MICAL3: variants seen among roughly 807,000 people sequenced by gnomAD.
MICAL3 encodes microtubule associated monooxygenase, calponin and LIM domain containing 3, also known as [F-actin]-monooxygenase MICAL3.
A neutral mutation model predicts 207.4 loss-of-function variants in MICAL3; 62 were observed. The ratio of observed to expected loss-of-function variants is 0.30; its 90% CI spans 0.24 to 0.37. MICAL3 has a LOEUF of 0.37. Ranked by LOEUF, MICAL3 falls within the 10% of genes least tolerant of loss-of-function variation. The pLI is 1.00. For synonymous variants in MICAL3, 1,077 were observed against 1,069.3 expected (o/e 1.01, Z -0.14); for missense variants, 2,368 against 2,635.6 (o/e 0.90, Z 2.22).
intron 16 of MICAL3, chr22:17,876,919 TGGAGGTTAG>T (rs201210232): frequency 2.1e-4 from 3 of 14,288 alleles, no homozygotes; most frequent in East Asian, 1.7e-3. Flanking sequence ...AGGGAGGTTA[TGGAGGTTAG>T]GGAGGTTAGG....
intron 17 of MICAL3, among the ~76,000 whole-genome samples, chr22:17,867,627 C>G (rs1927285128): frequency 6.6e-6 from 1 of 152,234 alleles, no homozygotes; most frequent in South Asian, 2.1e-4. Context: ...CTCACTCCCT[C>G]CACCCCACCC....
intron 16 of MICAL3, among the ~76,000 whole-genome samples, chr22:17,880,978 G>T (rs114959680): frequency 2.0e-5 from 3 of 152,206 alleles, no homozygotes; most frequent in Admixed American, 2.0e-4. Context: ...TGGGACAGTC[G>T]TGTTTCCATG....
chr22:17,883,761 A>C (rs2146213447), intron 16 of MICAL3, among the ~76,000 whole-genome samples: 1 of 152,338 alleles, frequency 6.6e-6, no homozygotes, highest in Admixed American at 6.5e-5. Flanking sequence ...AATGTAGAGA[A>C]AACACCAAGA....
chr22:17,814,161 C>G (rs1020094206), intron 27 of MICAL3: 2 of 152,142 alleles, frequency 1.3e-5, no homozygotes, highest in African/African-American at 4.8e-5. Context: ...GCAGGTCAAA[C>G]CCCATCCTCA....
intron 6 of MICAL3, 95 bp from the exon 7 acceptor site, chr22:17,899,643 G>C (rs1205851693): frequency 3.9e-6 from 3 of 765,008 alleles, no homozygotes; most frequent in Non-Finnish European, 4.5e-6. Flanking sequence ...ACAGAGACAA[G>C]GGCCTGAGGC....
chr22:17,896,327 C>A lies in MICAL3; in HGVS notation c.1241G>T (p.Gly414Val). 6.4e-7 allele frequency: 1 copy of A among 1,559,124 alleles called. No individual in the cohort carries two copies. Among genetic ancestry groups the A allele is most frequent in the East Asian group, 2.4e-5 (1 of 41,452 alleles). The change falls in exon 9 of 32, where the codon GGC becomes GTC. Residue 414 changes from glycine to valine, a missense_variant. Gly to Val is a moderately radical substitution (Grantham distance 109). Coordinates refer to ENST00000441493, the MANE Select transcript of MICAL3 (RefSeq NM_015241.3). ...GGCAGAGTCCATAGCAGCTAGAAAG[C>A]CCCGGGCTATTCCTGTTCCCATTGG... ...FWPMGTGIAR[G>V]FLAAMDSAWM...
At chr22:17,865,790 T>TATGC (rs1927043116) in intron 18 of MICAL3, 134 bp downstream of exon 18, 1 of 713,826 alleles carries the variant, frequency 1.4e-6, no homozygotes, top group African/African-American at 1.7e-5. Flanking sequence ...GGACTGCCAC[T>TATGC]GCATTTCGGG....
At chr22:17,997,090 C>T (rs1366291666) in intron 1 of MICAL3, among the ~76,000 whole-genome samples, 2 of 120,104 alleles carry the variant, frequency 1.7e-5, no homozygotes, top group Non-Finnish European at 3.2e-5. Flanking sequence ...GAGTCTTGCT[C>T]TGTCACCCAG....
At chr22:17,797,717 G>T (rs748858955) in intron 29 of MICAL3, among the ~76,000 whole-genome samples, 1 of 152,248 alleles carries the variant, frequency 6.6e-6, no homozygotes, top group Non-Finnish European at 1.5e-5. Context: ...ATCATGGCCT[G>T]TGGTAAGGAT....
chr22:17,872,837 G>A (rs773131682), intron 16 of MICAL3: 1 of 1,609,440 alleles, frequency 6.2e-7, no homozygotes. Context: ...CTCCGCCCGT[G>A]TACATCTTTA....
chr22:17,827,973 A>G (rs970676543), intron 21 of MICAL3, among the ~76,000 whole-genome samples, 192 bp from the exon 22 acceptor site: 1 of 152,222 alleles, frequency 6.6e-6, no homozygotes, highest in Non-Finnish European at 1.5e-5. Context: ...ACACACAGAC[A>G]CACACGCACA....
chr22:17,805,238 C>A (rs2061978097), intron 29 of MICAL3, among the ~76,000 whole-genome samples: 1 of 152,168 alleles, frequency 6.6e-6, no homozygotes. Context: ...CAGGGCTCAG[C>A]CAGGTGCCAC....
At chr22:17,810,184 A>T (rs975407028) in intron 28 of MICAL3, among the ~76,000 whole-genome samples, 5 of 147,474 alleles carry the variant, frequency 3.4e-5, no homozygotes, top group Admixed American at 2.8e-4. Context: ...TGCCTCAGCC[A>T]CCCGAGTAGC....
chr22:17,877,608 G>GTTATGGAGGTTAGGGAGGTT (rs1928986136), intron 16 of MICAL3, among the ~76,000 whole-genome samples: 1 of 151,624 alleles, frequency 6.6e-6, no homozygotes, highest in African/African-American at 2.4e-5. Flanking sequence ...GGTTATGGAG[G>GTTATGGAGGTTAGGGAGGTT]ATGGCAGCAG....
intron 25 of MICAL3, among the ~76,000 whole-genome samples, chr22:17,820,267 A>T (rs1360117020): frequency 6.6e-6 from 1 of 152,106 alleles, no homozygotes; most frequent in East Asian, 1.9e-4. Flanking sequence ...GTATTTCCCA[A>T]ACCATGTTCC....
chr22:17,863,593 G>A (rs764916104), intron 19 of MICAL3: 1 of 985,390 alleles, frequency 1.0e-6, no homozygotes, highest in Non-Finnish European at 1.2e-6. Flanking sequence ...CCACCTGCAG[G>A]GTACTTAAAA....
chr22:17,907,036 G>A (rs1931776015), intron 1 of MICAL3, 150 bp from the exon 2 acceptor site: 1 of 484,858 alleles, frequency 2.1e-6, no homozygotes, highest in Non-Finnish European at 3.6e-6. Flanking sequence ...CAGGCACTAC[G>A]AAACACTGGG....
rs111358336 is a variant in MICAL3, at chr22:17,876,416, C to T, written c.2242-4393G>A. The T allele has an allele frequency of 9.8e-3, 1,490 of 152,532 alleles. 13 individuals are homozygous for T. The highest frequency in any genetic ancestry group is 0.023 in the South Asian group (109 of 4,830). The allele number at this position is 152,532 out of a possible 1,614,324, so 9.4% of individuals were successfully genotyped here. On this transcript the variant is annotated intron_variant, in intron 16 of 31. Coordinates refer to ENST00000441493, the MANE Select transcript of MICAL3 (RefSeq NM_015241.3). Reference sequence around the variant, plus strand: ...TTGGTCACACTCCCTACCTCAGCCACGTGCACTTCATAGCTCCGTGGGGTG... The same window carrying T: ...TTGGTCACACTCCCTACCTCAGCCATGTGCACTTCATAGCTCCGTGGGGTG...
chr22:17,888,645 C>G lies in MICAL3; in HGVS notation c.1891+389G>C, dbSNP rs564071600. Among the ~76,000 whole-genome samples the G allele has an allele frequency of 2.0e-5, 3 of 152,178 alleles. No homozygotes were observed. The East Asian group carries it at 5.8e-4, about 29-fold the overall frequency. On this transcript the variant is annotated intron_variant, in intron 13 of 31. Coordinates refer to ENST00000441493, the MANE Select transcript of MICAL3 (RefSeq NM_015241.3). ...CCTCACTGGGGAACAGCTGCAGTAG[C>G]GCGGTATGAAGAGAAGCCGGATTAT...
Sources: allele counts gnomAD v4.1 joint callset (sites outside exome capture counted in the v4.1 genomes callset), GRCh38; gene constraint gnomAD v4.1.1; transcripts MANE v1.5; gene names NCBI Gene and HGNC (gene_info 2026-07-23, HGNC 2026-07-21).